MAP3K20: variants seen among roughly 807,000 people sequenced by gnomAD.
The protein encoded by MAP3K20 is HCCS-4.
In MAP3K20, 40 loss-of-function variants were observed where a neutral mutation model predicts 85.7. The ratio of observed to expected loss-of-function variants is 0.47; its 90% CI spans 0.36 to 0.61. MAP3K20 has a LOEUF of 0.61. MAP3K20 is among the 20% of genes least tolerant of loss of function. The probability of loss-of-function intolerance (pLI) is 0.00; values close to 1 mark genes in which losing one functional copy is unlikely to be tolerated. For missense variants in MAP3K20, 817 were observed against 961.7 expected (o/e 0.85, Z 1.99); for synonymous variants, 325 against 327.7 (o/e 0.99, Z 0.09).
chr2:173,168,157 G>C (rs1421258367), intron 2 of MAP3K20, among the ~76,000 whole-genome samples: 1 of 151,332 alleles, frequency 6.6e-6, no homozygotes, highest in African/African-American at 2.4e-5. Context: ...TAAGAAGTAG[G>C]GTTGCCATGT....
At chr2:173,113,936 CTCTT>C (rs1487527084) in intron 2 of MAP3K20, among the ~76,000 whole-genome samples, 3 of 151,816 alleles carry the variant, frequency 2.0e-5, no homozygotes, top group Admixed American at 6.6e-5. Flanking sequence ...AATCCATTGT[CTCTT>C]TGTTGACTTT....
At chr2:173,099,467 C>T (rs1687568282) in intron 2 of MAP3K20, among the ~76,000 whole-genome samples, 1 of 151,892 alleles carries the variant, frequency 6.6e-6, no homozygotes, top group Non-Finnish European at 1.5e-5. Flanking sequence ...TTAACAGGTG[C>T]AAGCCCTCTC....
At chr2:173,242,699 CTT>C (rs68173816) in intron 16 of MAP3K20, among the ~76,000 whole-genome samples, 1,223 of 80,946 alleles carry the variant, frequency 0.015, 14 homozygotes, top group African/African-American at 0.048. Flanking sequence ...AGTAATCTTT[CTT>C]TTTTTTTTTT....
At chr2:173,232,523 A>G in intron 14 of MAP3K20, 64 bp downstream of exon 14, 2 of 1,589,332 alleles carry the variant, frequency 1.3e-6, no homozygotes, top group Non-Finnish European at 1.7e-6. Context: ...GTTTTTTTTG[A>G]GGCAGAGTCT....
intron 2 of MAP3K20, among the ~76,000 whole-genome samples, chr2:173,104,294 T>C (rs1486731995): frequency 6.6e-6 from 1 of 152,206 alleles, no homozygotes; most frequent in Non-Finnish European, 1.5e-5. Flanking sequence ...TGAGGTTTTC[T>C]TCCCCTAAAA....
rs1424850822 is a variant in MAP3K20, at chr2:173,185,973, A to G, written c.350-1585A>G. On this transcript the variant is annotated intron_variant, in intron 4 of 19. Transcript: ENST00000375213. ...TTTTCAGCCTTCTTAATTGTTTGCA[A>G]TAAATATAAGGCAGAATTATAGATG... is the stretch of plus-strand genomic sequence containing the variant. Among the ~76,000 whole-genome samples the G allele has an allele frequency of 4.6e-5, 7 of 152,324 alleles. No individual in the cohort carries two copies. In the South Asian group the frequency reaches 1.0e-3, roughly 23 times the overall value.
At chr2:173,133,709 C>G (rs1333734335) in intron 2 of MAP3K20, among the ~76,000 whole-genome samples, 1 of 151,926 alleles carries the variant, frequency 6.6e-6, no homozygotes, top group Non-Finnish European at 1.5e-5. Context: ...ATCCGAGGCT[C>G]CTGTGTGTGT....
intron 9 of MAP3K20, among the ~76,000 whole-genome samples, chr2:173,207,893 C>G (rs1282640456): frequency 6.6e-6 from 1 of 152,088 alleles, no homozygotes; most frequent in African/African-American, 2.4e-5. Context: ...TAAATGTTCA[C>G]TTTGATAACC....
chr2:173,263,602 A>G (rs2106358711), intron 18 of MAP3K20, 143 bp from the exon 19 acceptor site: 1 of 786,012 alleles, frequency 1.3e-6, no homozygotes, highest in Non-Finnish European at 2.0e-6. Context: ...TTCCTAGTGC[A>G]TTATGATAGT....
rs548456431 is a variant in MAP3K20 at position 173,156,649 on chromosome 2, A to G, written c.160-13156A>G. Among the ~76,000 whole-genome samples the G allele has an allele frequency of 2.6e-5, 4 of 152,284 alleles. No individual in the cohort carries two copies. In the South Asian group the frequency reaches 6.2e-4, roughly 24 times the overall value. On this transcript the variant is annotated intron_variant, in intron 2 of 19. Coordinates refer to ENST00000375213, the MANE Select transcript of MAP3K20 (RefSeq NM_016653.3). ...GGGTTTGTGCTCCTCTGAGAATCTA[A>G]TGCTGCCTCTGATCTGACAGGAGGC...
At chr2:173,194,765 G>GTT (rs67949386) in intron 7 of MAP3K20, among the ~76,000 whole-genome samples, 51 of 149,036 alleles carry the variant, frequency 3.4e-4, no homozygotes, top group Non-Finnish European at 3.3e-4. Context: ...TAAAAAAAAG[G>GTT]TTTTTTTTTT....
At chr2:173,133,962 G>A (rs1688692984) in intron 2 of MAP3K20, among the ~76,000 whole-genome samples, 1 of 148,690 alleles carries the variant, frequency 6.7e-6, no homozygotes, top group Non-Finnish European at 1.5e-5. Context: ...CTGCCCTCCA[G>A]CCTGGGTGAC....
intron 2 of MAP3K20, among the ~76,000 whole-genome samples, chr2:173,144,227 G>T (rs1689059834): frequency 1.3e-5 from 2 of 152,136 alleles, no homozygotes; most frequent in Admixed American, 1.3e-4. Context: ...ACTTTGGGAG[G>T]CCAAGGTGGG....
At chr2:173,112,828 G>A (rs920400771) in intron 2 of MAP3K20, among the ~76,000 whole-genome samples, 3 of 151,764 alleles carry the variant, frequency 2.0e-5, no homozygotes, top group Non-Finnish European at 4.4e-5. Context: ...CAAGTATTTC[G>A]TTAAGGATTT....
intron 2 of MAP3K20, among the ~76,000 whole-genome samples, chr2:173,121,745 G>A (rs895498880): frequency 3.5e-5 from 5 of 143,516 alleles, no homozygotes; most frequent in Admixed American, 6.9e-5. Context: ...ATGCCCCCCC[G>A]CCGCCCACCC....
chr2:173,257,928 A>T (rs1685197428), intron 16 of MAP3K20, among the ~76,000 whole-genome samples: 1 of 152,168 alleles, frequency 6.6e-6, no homozygotes, highest in South Asian at 2.1e-4. Flanking sequence ...CTTTTTCATT[A>T]TATGGTGATT....
intron 16 of MAP3K20, among the ~76,000 whole-genome samples, chr2:173,258,171 A>G (rs1277395790): frequency 2.0e-5 from 3 of 152,204 alleles, no homozygotes; most frequent in Non-Finnish European, 2.9e-5. Flanking sequence ...GTTATCATAC[A>G]TCATCACATT....
intron 16 of MAP3K20, among the ~76,000 whole-genome samples, chr2:173,252,436 A>C (rs1223380534): frequency 6.6e-6 from 1 of 152,172 alleles, no homozygotes; most frequent in Non-Finnish European, 1.5e-5. Flanking sequence ...ACGTGCTCCT[A>C]AAATTACCCA....
chr2:173,197,388 G>A (rs948941917), intron 7 of MAP3K20, among the ~76,000 whole-genome samples: 4 of 152,160 alleles, frequency 2.6e-5, no homozygotes, highest in African/African-American at 9.7e-5. Context: ...TGTATAGAAA[G>A]TGTTTATTAC....
Sources: gnomAD v4.1 joint callset for allele counts (sites outside exome capture counted in the v4.1 genomes callset) on GRCh38, gnomAD v4.1.1 for gene constraint, MANE v1.5 for transcripts, NCBI Gene and HGNC (gene_info 2026-07-23, HGNC 2026-07-21) for gene names.